ANXA4: variants seen among roughly 807,000 people sequenced by gnomAD.
ANXA4 encodes 35-beta calcimedin.
In ANXA4, 39 loss-of-function variants were observed where a neutral mutation model predicts 49.8. The ratio of observed to expected loss-of-function variants is 0.78; its 90% CI spans 0.61 to 1.02. ANXA4 has a LOEUF of 1.02. Among genes scored for constraint, ANXA4 ranks in the 50% least tolerant of loss-of-function variants. The pLI is 0.00. For missense variants in ANXA4, 360 were observed against 410.1 expected (o/e 0.88, Z 1.05); for synonymous variants, 134 against 152.5 (o/e 0.88, Z 0.89).
intron 1 of ANXA4, among the ~76,000 whole-genome samples, chr2:69,757,158 A>C (rs1038427150): frequency 2.0e-5 from 3 of 146,722 alleles, no homozygotes; most frequent in Non-Finnish European, 4.5e-5. Context: ...TGAACTCCTA[A>C]CCTCAGGTGA....
chr2:69,808,054 T>G, intron 6 of ANXA4, 58 bp downstream of exon 6: 2 of 1,496,520 alleles, frequency 1.3e-6, no homozygotes, highest in Non-Finnish European at 1.9e-6. Flanking sequence ...AGAATGAGGG[T>G]AGCAGCGGGT....
intron 2 of ANXA4, among the ~76,000 whole-genome samples, chr2:69,655,741 C>T (rs1051838762): frequency 1.1e-4 from 16 of 152,066 alleles, no homozygotes; most frequent in African/African-American, 2.7e-4. Flanking sequence ...ATGTTTATTG[C>T]GGCACTGTTC....
chr2:69,656,567 T>TG (rs1415281632), intron 2 of ANXA4, among the ~76,000 whole-genome samples: 86 of 146,824 alleles, frequency 5.9e-4, no homozygotes, highest in Non-Finnish European at 1.3e-4. Flanking sequence ...TTTTTTTTTT[T>TG]TTTGAGATGG....
rs1459085359 is a variant in ANXA4, at chr2:69,650,336, A to G, written n.482-2662A>G. Among the ~76,000 whole-genome samples, 3 of 152,156 alleles carry G rather than the reference A, an allele frequency of 2.0e-5. No individual in the cohort carries two copies. The East Asian group carries it at 5.8e-4, about 29-fold the overall frequency. On this transcript the variant is annotated intron_variant and non_coding_transcript_variant, in intron 1 of 3. Coordinates refer to the ANXA4 transcript ENST00000418066. ...AGAGAGCCAAAGTACCCTCCAGGAG[A>G]TTGATATTGATTTGTTCTCCATTCA... is the stretch of plus-strand genomic sequence containing the variant.
At chr2:69,779,167 T>TAATGAA (rs377033289) in intron 1 of ANXA4, among the ~76,000 whole-genome samples, 2 of 151,244 alleles carry the variant, frequency 1.3e-5, no homozygotes, top group Non-Finnish European at 2.9e-5. Flanking sequence ...CTTTTTTTTT[T>TAATGAA]AATGAAATAA....
At chr2:69,760,140 C>CT (rs1401015127) in intron 1 of ANXA4, among the ~76,000 whole-genome samples, 4 of 152,078 alleles carry the variant, frequency 2.6e-5, no homozygotes, top group Admixed American at 6.6e-5. Context: ...CCTGTTTTAT[C>CT]TTTTTTTGTG....
chr2:69,781,593 C>CA lies in ANXA4; in HGVS notation c.9+21dup. 1 of 1,613,938 alleles carries CA rather than the reference C, an allele frequency of 6.2e-7. No individual in the cohort carries two copies. The highest frequency in any genetic ancestry group is 8.5e-7 in the Non-Finnish European group (1 of 1,179,916). Reference sequence around the variant, plus strand: ...GGCCATGGTAAGTTGTGAAATACCTCAACCCTATCTGGTGCCAGCTGCCAA... The same window carrying CA: ...GGCCATGGTAAGTTGTGAAATACCTCAAACCCTATCTGGTGCCAGCTGCCAA... On this transcript the variant is annotated intron_variant, in intron 2 of 12. Transcript: ENST00000394295.
At chr2:69,820,631 T>C (rs978525401) in intron 11 of ANXA4, 68 bp from the exon 12 acceptor site, 3 of 1,577,288 alleles carry the variant, frequency 1.9e-6, no homozygotes, top group Middle Eastern at 3.4e-4. Context: ...CTTGCTTTGA[T>C]AGACTAAAGA....
chr2:69,658,092 T>G (rs1194960729), intron 2 of ANXA4, among the ~76,000 whole-genome samples: 1 of 151,908 alleles, frequency 6.6e-6, no homozygotes, highest in African/African-American at 2.4e-5. Context: ...CCTCTTTAAA[T>G]TCTGTCAAAA....
intron 1 of ANXA4, among the ~76,000 whole-genome samples, chr2:69,647,921 G>C (rs1460770948): frequency 1.3e-5 from 2 of 152,068 alleles, no homozygotes; most frequent in Non-Finnish European, 2.9e-5. Flanking sequence ...TTTTATCAAA[G>C]AAAATACTGT....
chr2:69,651,710 G>C (rs1676242615), intron 1 of ANXA4, among the ~76,000 whole-genome samples: 1 of 149,556 alleles, frequency 6.7e-6, no homozygotes, highest in Admixed American at 6.8e-5. Flanking sequence ...CACCATGTTA[G>C]TCAAGATGGT....
At chr2:69,703,661 C>CT (rs1678402555) in intron 2 of ANXA4, among the ~76,000 whole-genome samples, 1 of 152,156 alleles carries the variant, frequency 6.6e-6, no homozygotes, top group South Asian at 2.1e-4. Context: ...CTGCCATAGT[C>CT]TCAACACTGT....
At chr2:69,756,405 G>T (rs1400093606) in intron 1 of ANXA4, among the ~76,000 whole-genome samples, 2 of 152,106 alleles carry the variant, frequency 1.3e-5, no homozygotes, top group African/African-American at 4.8e-5. Context: ...TGAAAGGGGT[G>T]GGAGAAAAAC....
At chr2:69,764,415 TGAG>T (rs1671422586) in intron 1 of ANXA4, among the ~76,000 whole-genome samples, 1 of 152,292 alleles carries the variant, frequency 6.6e-6, no homozygotes, top group South Asian at 2.1e-4. Flanking sequence ...CAGTTATACT[TGAG>T]GAGAGGATTT....
intron 3 of ANXA4, among the ~76,000 whole-genome samples, chr2:69,732,068 C>T (rs1162191768): frequency 6.8e-6 from 1 of 147,828 alleles, no homozygotes; most frequent in African/African-American, 2.5e-5. Context: ...GCAAACTCCT[C>T]CTGGGTTCAT....
At chr2:69,718,722 CATGCATACACAA>C (rs1669721954) in intron 2 of ANXA4, among the ~76,000 whole-genome samples, 1 of 151,896 alleles carries the variant, frequency 6.6e-6, no homozygotes, top group Non-Finnish European at 1.5e-5. Flanking sequence ...CATGCACACA[CATGCATACACAA>C]ATGCACACAC....
chr2:69,727,060 C>T (rs950600593), intron 3 of ANXA4, among the ~76,000 whole-genome samples: 3 of 152,094 alleles, frequency 2.0e-5, no homozygotes, highest in Non-Finnish European at 4.4e-5. Flanking sequence ...TTTTTTTAGA[C>T]ACTGGCTCTC....
chr2:69,740,599 C>T (rs1294353650), upstream of ANXA4, among the ~76,000 whole-genome samples: 3 of 150,992 alleles, frequency 2.0e-5, no homozygotes, highest in Non-Finnish European at 2.9e-5. Context: ...GGACTACAGG[C>T]GTGGCTATGC....
intron 2 of ANXA4, among the ~76,000 whole-genome samples, chr2:69,668,824 G>T (rs949647715): frequency 6.6e-6 from 1 of 152,044 alleles, no homozygotes; most frequent in Non-Finnish European, 1.5e-5. Context: ...ATTACCACAT[G>T]TCCCACAAGA....
Sources: allele counts gnomAD v4.1 joint callset (sites outside exome capture counted in the v4.1 genomes callset), GRCh38; gene constraint gnomAD v4.1.1; transcripts MANE v1.5; gene names NCBI Gene and HGNC (gene_info 2026-07-23, HGNC 2026-07-21).